AGBL4: variants seen among roughly 807,000 people sequenced by gnomAD.
AGBL4 encodes the protein AGBL carboxypeptidase 4, also known as cytosolic carboxypeptidase 6.
AGBL4 carries 58 observed loss-of-function variants against 66.4 expected under a neutral mutation model. That is an observed-to-expected ratio of 0.87 (90% CI 0.71 to 1.09). The LOEUF is 1.09. Among genes scored for constraint, AGBL4 ranks in the 50% least tolerant of loss-of-function variants. AGBL4 has a pLI of 0.00. For missense variants in AGBL4, 579 were observed against 631.0 expected, an observed-to-expected ratio of 0.92 and a Z score of 0.88; for synonymous variants, 234 against 222.9, an observed-to-expected ratio of 1.05 and a Z score of -0.44.
chr1:49,079,196 A>G (rs1229899096), intron 4 of AGBL4, among the ~76,000 whole-genome samples: 1 of 152,220 alleles, frequency 6.6e-6, no homozygotes, highest in Non-Finnish European at 1.5e-5. Flanking sequence ...GTGAATAAGA[A>G]TACATTTGGA....
At chr1:49,033,608 ACCT>A (rs2149038776) in intron 5 of AGBL4, among the ~76,000 whole-genome samples, 2 of 151,836 alleles carry the variant, frequency 1.3e-5, no homozygotes, top group South Asian at 4.2e-4. Flanking sequence ...GTCCTCTCTC[ACCT>A]CCTTTCCGAC....
At chr1:49,725,472 G>A (rs1648947504) in intron 2 of AGBL4, among the ~76,000 whole-genome samples, 1 of 152,102 alleles carries the variant, frequency 6.6e-6, no homozygotes, top group African/African-American at 2.4e-5. Context: ...TTGTGGTTTC[G>A]CTGATCTATG....
At chr1:48,745,814 G>A (rs1650646883) in intron 6 of AGBL4, among the ~76,000 whole-genome samples, 1 of 152,102 alleles carries the variant, frequency 6.6e-6, no homozygotes, top group East Asian at 1.9e-4. Context: ...TAGTTGACTT[G>A]TGACCTTCCT....
At chr1:49,312,147 G>C (rs1187767594) in intron 3 of AGBL4, among the ~76,000 whole-genome samples, 2 of 152,064 alleles carry the variant, frequency 1.3e-5, no homozygotes, top group Non-Finnish European at 2.9e-5. Context: ...CAATACCACA[G>C]TATTAAGAGG....
intron 6 of AGBL4, among the ~76,000 whole-genome samples, chr1:48,841,406 C>A (rs917359220): frequency 6.7e-5 from 9 of 134,614 alleles, no homozygotes; most frequent in East Asian, 2.7e-4. Context: ...CAAAACCCCC[C>A]CCCCCCAAAA....
intron 1 of AGBL4, among the ~76,000 whole-genome samples, chr1:49,891,177 A>G (rs1648607706): frequency 6.6e-6 from 1 of 152,216 alleles, no homozygotes; most frequent in Non-Finnish European, 1.5e-5. Flanking sequence ...CAAACTTGTA[A>G]CATTCAAGGA....
At chr1:49,286,320 T>C (rs241464) in intron 3 of AGBL4, among the ~76,000 whole-genome samples, 122,482 of 150,344 alleles carry the variant, frequency 0.81, 50,571 homozygotes, top group African/African-American at 0.94. Context: ...GATGCCCTCT[T>C]TCACCACTCC....
intron 3 of AGBL4, among the ~76,000 whole-genome samples, chr1:49,473,581 T>C (rs762023771): frequency 2.0e-5 from 3 of 152,074 alleles, no homozygotes; most frequent in Non-Finnish European, 4.4e-5. Context: ...ATTCTGTAGG[T>C]TGTCTGTTTG....
intron 3 of AGBL4, among the ~76,000 whole-genome samples, chr1:49,390,911 GA>G (rs1644831575): frequency 6.6e-6 from 1 of 152,286 alleles, no homozygotes; most frequent in African/African-American, 2.4e-5. Context: ...GAATGGAAGA[GA>G]GAGGCATGGG....
chr1:48,935,891 G>A (rs988242595), intron 5 of AGBL4, among the ~76,000 whole-genome samples: 3 of 143,070 alleles, frequency 2.1e-5, no homozygotes, highest in South Asian at 2.3e-4. Flanking sequence ...CCTGGGAGGC[G>A]GACGTTGCAG....
Position 49,184,986 on chromosome 1 carries a change from C to T in AGBL4, c.377+60784G>A, listed in dbSNP as rs557465540. Among the ~76,000 whole-genome samples the T allele has an allele frequency of 3.9e-5, 6 of 152,272 alleles. No homozygotes were observed. The South Asian group carries it at 1.2e-3, about 32-fold the overall frequency. On this transcript the variant is annotated intron_variant, in intron 4 of 13. Coordinates refer to ENST00000371839, the MANE Select transcript of AGBL4 (RefSeq NM_032785.4). The stretch of plus-strand genomic sequence containing the variant: ...ATCTCCTTCTGCCAATTTTAATGTC[C>T]CTCCAAGTGTTTTCATATGTATTTG...
At chr1:48,806,668 C>A (rs1036239851) in intron 6 of AGBL4, among the ~76,000 whole-genome samples, 1 of 152,166 alleles carries the variant, frequency 6.6e-6, no homozygotes, top group Non-Finnish European at 1.5e-5. Context: ...CTGGGGGACA[C>A]AAAGAGCAAC....
intron 1 of AGBL4, among the ~76,000 whole-genome samples, chr1:49,946,414 A>C (rs2148303472): frequency 6.6e-6 from 1 of 152,202 alleles, no homozygotes; most frequent in Non-Finnish European, 1.5e-5. Context: ...AACATTTAAA[A>C]CCATGCAAAT....
At chr1:49,746,679 T>C (rs1391078012) in intron 2 of AGBL4, among the ~76,000 whole-genome samples, 1 of 152,074 alleles carries the variant, frequency 6.6e-6, no homozygotes, top group Admixed American at 6.6e-5. Flanking sequence ...GTAACTTGTC[T>C]AGGTAAGCCA....
At chr1:49,287,611 A>G (rs1474469585) in intron 3 of AGBL4, among the ~76,000 whole-genome samples, 4 of 152,244 alleles carry the variant, frequency 2.6e-5, no homozygotes, top group Admixed American at 2.6e-4. Flanking sequence ...ACACATGAAG[A>G]AATGCTCATC....
At chr1:49,718,485 A>G (rs1648336188) in intron 2 of AGBL4, among the ~76,000 whole-genome samples, 2 of 152,092 alleles carry the variant, frequency 1.3e-5, no homozygotes, top group African/African-American at 4.8e-5. Context: ...ATGTAAGAAC[A>G]GACTAATACA....
At chr1:49,262,208 T>A (rs899250132) in intron 3 of AGBL4, among the ~76,000 whole-genome samples, 2 of 152,134 alleles carry the variant, frequency 1.3e-5, no homozygotes, top group Non-Finnish European at 2.9e-5. Flanking sequence ...ATAAAAACCC[T>A]AGAAGAAAAC....
chr1:49,187,230 G>A (rs750723679), intron 4 of AGBL4: 8 of 152,080 alleles, frequency 5.3e-5, no homozygotes, highest in Non-Finnish European at 8.8e-5. Context: ...CCTCTCTCTT[G>A]TTTCTCGTCA....
At chr1:49,982,667 T>C (rs561830102) in intron 1 of AGBL4, among the ~76,000 whole-genome samples, 1 of 152,286 alleles carries the variant, frequency 6.6e-6, no homozygotes, top group African/African-American at 2.4e-5. Flanking sequence ...GTGCTTTTTC[T>C]GGGGCTACCT....
Sources: gnomAD v4.1 joint callset for allele counts (sites outside exome capture counted in the v4.1 genomes callset) on GRCh38, gnomAD v4.1.1 for gene constraint, MANE v1.5 for transcripts, NCBI Gene and HGNC (gene_info 2026-07-23, HGNC 2026-07-21) for gene names.